TAFA4: variants seen among roughly 807,000 people sequenced by gnomAD.
TAFA4 encodes chemokine-like protein TAFA-4.
Under a neutral mutation model 21.1 loss-of-function variants are expected in TAFA4, and 20 were observed. The observed-to-expected ratio is 0.95, with a 90% confidence interval of 0.67 to 1.38. The LOEUF (loss-of-function observed/expected upper bound fraction) is 1.38, where lower values mean the gene tolerates loss of function less well. Ranked by LOEUF, TAFA4 falls within the 40% of genes most tolerant of loss-of-function variation. TAFA4 has a pLI of 0.00. For missense variants in TAFA4, 211 were observed against 180.9 expected (o/e 1.17, Z -0.95); for synonymous variants, 71 against 67.4 (o/e 1.05, Z -0.26).
At chr3:68,746,593 TAAGAA>T (rs1486192079) in intron 4 of TAFA4, among the ~76,000 whole-genome samples, 2 of 152,186 alleles carry the variant, frequency 1.3e-5, no homozygotes, top group South Asian at 2.1e-4. Flanking sequence ...TATTTCTTGT[TAAGAA>T]AAGAAGCCAT....
intron 3 of TAFA4, among the ~76,000 whole-genome samples, chr3:68,794,459 C>T (rs1228298545): frequency 6.6e-6 from 1 of 152,130 alleles, no homozygotes; most frequent in Admixed American, 6.6e-5. Context: ...TAAATATAAA[C>T]AACAGGGACA....
intron 3 of TAFA4, among the ~76,000 whole-genome samples, chr3:68,786,377 G>A (rs970377766): frequency 2.6e-5 from 4 of 152,146 alleles, no homozygotes; most frequent in Admixed American, 6.5e-5. Flanking sequence ...GAGATGGGAG[G>A]ATCAGGTGAG....
In TAFA4 at chr3:68,869,549, G is replaced by C. The variant is rs147374403; in HGVS notation, c.130+11181C>G. On this transcript the variant is annotated intron_variant, in intron 3 of 5. Coordinates refer to ENST00000295569, the MANE Select transcript of TAFA4 (RefSeq NM_182522.5). ...AATGTCATCCCAGGGATGCAAAGAT[G>C]GTTCAACATATGCAAATCAATAAAC... Among the ~76,000 whole-genome samples the C allele has an allele frequency of 3.4e-4, 52 of 152,076 alleles. No homozygotes were observed. In the East Asian group the frequency reaches 0.01, roughly 29 times the overall value.
At chr3:68,750,566 C>G (rs1344739964) in intron 4 of TAFA4, among the ~76,000 whole-genome samples, 1 of 152,120 alleles carries the variant, frequency 6.6e-6, no homozygotes, top group East Asian at 1.9e-4. Context: ...ATTGACCAAA[C>G]AGATAAATGC....
chr3:68,887,014 A>G (rs1331355250), intron 1 of TAFA4, among the ~76,000 whole-genome samples: 3 of 152,202 alleles, frequency 2.0e-5, no homozygotes, highest in Admixed American at 2.0e-4. Context: ...TCAATTCAAA[A>G]GCCCAGTGTC....
intron 3 of TAFA4, among the ~76,000 whole-genome samples, chr3:68,867,551 A>G (rs1246136086): frequency 6.6e-6 from 1 of 152,150 alleles, no homozygotes; most frequent in East Asian, 1.9e-4. Context: ...TACTGTAATT[A>G]CAGTGTGTAA....
At chr3:68,813,078 G>A (rs1045008649) in intron 3 of TAFA4, among the ~76,000 whole-genome samples, 111 of 152,020 alleles carry the variant, frequency 7.3e-4, no homozygotes, top group Admixed American at 1.7e-3. Context: ...AGTGACTACT[G>A]GGTACATAAC....
chr3:68,908,516 A>G (rs2089925617), intron 1 of TAFA4, among the ~76,000 whole-genome samples: 1 of 16,546 alleles, frequency 6.0e-5, no homozygotes, highest in Admixed American at 1.1e-3. Flanking sequence ...AATCAGAAGC[A>G]AAAGTGAAAA....
At chr3:68,818,768 G>A (rs1188653014) in intron 3 of TAFA4, among the ~76,000 whole-genome samples, 3 of 152,092 alleles carry the variant, frequency 2.0e-5, no homozygotes, top group Non-Finnish European at 4.4e-5. Flanking sequence ...CACAGTGCAT[G>A]GTGTACCCCA....
intron 1 of TAFA4, among the ~76,000 whole-genome samples, chr3:68,901,387 C>A: frequency 6.6e-6 from 1 of 151,910 alleles, no homozygotes; most frequent in East Asian, 1.9e-4. Context: ...AGAATTAGCC[C>A]ATTTCATAGA....
intron 4 of TAFA4, among the ~76,000 whole-genome samples, chr3:68,749,446 T>G (rs1233374416): frequency 1.3e-5 from 2 of 152,204 alleles, no homozygotes; most frequent in Admixed American, 6.5e-5. Flanking sequence ...GAGGAACATA[T>G]CAGCAGAGAA....
chr3:68,896,661 G>A (rs17048128), intron 1 of TAFA4, among the ~76,000 whole-genome samples: 29,960 of 152,064 alleles, frequency 0.2, 3,594 homozygotes, highest in East Asian at 0.5. Flanking sequence ...TTGTTCGCAG[G>A]CTAAGGTTGT....
intron 3 of TAFA4, among the ~76,000 whole-genome samples, chr3:68,842,843 C>G (rs899780113): frequency 6.6e-6 from 1 of 151,660 alleles, no homozygotes; most frequent in Admixed American, 6.6e-5. Flanking sequence ...TGTCAAAGAT[C>G]AGAGGGTTTG....
rs572972057 is a variant in TAFA4 at position 68,794,061 on chromosome 3, T to G, written c.131-41043A>C. ...TCCTGACCTGTATAAACCCTGATTT[T>G]TTTCAAACTCCTCTCTTTAGAATAA... On this transcript the variant is annotated intron_variant, in intron 3 of 5. Transcript: ENST00000295569. 4.6e-5 allele frequency among the ~76,000 whole-genome samples: 7 copies of G among 152,322 alleles called. No individual in the cohort carries two copies. The South Asian group carries it at 1.2e-3, about 27-fold the overall frequency.
intron 3 of TAFA4, among the ~76,000 whole-genome samples, chr3:68,769,585 A>G (rs569591415): frequency 2.7e-4 from 41 of 152,348 alleles, no homozygotes; most frequent in African/African-American, 9.1e-4. Flanking sequence ...TTTTACTACA[A>G]GGAAATAATA....
rs1319816355 is a variant in TAFA4 at position 68,732,231 on chromosome 3, T to C, written c.*911A>G. On this transcript the variant is annotated 3_prime_UTR_variant, in exon 6 of 6. Coordinates refer to ENST00000295569, the MANE Select transcript of TAFA4 (RefSeq NM_182522.5). ...ACAGCTAAGTTAAGAAGAACTCATT[T>C]ACAGTCTAAAAATTCAGCACTGAAA... is the stretch of plus-strand genomic sequence containing the variant. The C allele has an allele frequency of 1.3e-5, 2 of 152,590 alleles. No individual in the cohort carries two copies. Among genetic ancestry groups the C allele is most frequent in the Non-Finnish European group, 2.9e-5 (2 of 68,026 alleles). The allele number at this position is 152,590 out of a possible 1,614,324, so 9.5% of individuals were successfully genotyped here. A position where few individuals can be genotyped will look rare whatever the true frequency, so the allele number is the denominator to read the frequency against.
At chr3:68,832,294 G>T (rs1380372381) in intron 3 of TAFA4, among the ~76,000 whole-genome samples, 1 of 152,240 alleles carries the variant, frequency 6.6e-6, no homozygotes, top group African/African-American at 2.4e-5. Context: ...TCTCTGCTCT[G>T]GTTTCTCCCC....
chr3:68,767,318 G>T (rs948106776), intron 3 of TAFA4, among the ~76,000 whole-genome samples: 1 of 152,002 alleles, frequency 6.6e-6, no homozygotes, highest in Non-Finnish European at 1.5e-5. Context: ...GGAAGCCCCA[G>T]ACTCAGTTTT....
At chr3:68,830,103 G>C (rs559063667) in intron 3 of TAFA4, among the ~76,000 whole-genome samples, 4 of 151,970 alleles carry the variant, frequency 2.6e-5, no homozygotes, top group East Asian at 3.9e-4. Context: ...TCTTGCTAAC[G>C]GTCTATCAAT....
Sources: gnomAD v4.1 joint callset for allele counts (sites outside exome capture counted in the v4.1 genomes callset) on GRCh38, gnomAD v4.1.1 for gene constraint, MANE v1.5 for transcripts, NCBI Gene and HGNC (gene_info 2026-07-23, HGNC 2026-07-21) for gene names.